Variants in COL25A1 observed in about 807,000 individuals in gnomAD.
The protein encoded by COL25A1 is collagen alpha-1(XXV) chain.
Under a neutral mutation model 128.4 loss-of-function variants are expected in COL25A1, and 103 were observed. That is an observed-to-expected ratio of 0.80 (90% CI 0.68 to 0.94). The LOEUF (loss-of-function observed/expected upper bound fraction) is 0.94, where lower values mean the gene tolerates loss of function less well. Ranked by LOEUF, COL25A1 falls within the 40% of genes least tolerant of loss-of-function variation. COL25A1 has a pLI of 0.00. For missense variants in COL25A1, 745 were observed against 840.0 expected (o/e 0.89, Z 1.40); for synonymous variants, 279 against 277.2 (o/e 1.01, Z -0.06).
chr4:108,816,541 T>C (rs1731269329), intron 37 of COL25A1, among the ~76,000 whole-genome samples: 1 of 152,176 alleles, frequency 6.6e-6, no homozygotes, highest in Non-Finnish European at 1.5e-5. Flanking sequence ...TCACCATTAT[T>C]GCATAAAGGT....
chr4:109,121,521 A>C (rs776511126), intron 3 of COL25A1, among the ~76,000 whole-genome samples: 1 of 152,146 alleles, frequency 6.6e-6, no homozygotes, highest in Non-Finnish European at 1.5e-5. Flanking sequence ...AAACATATGA[A>C]AATTTCAGTG....
At chr4:109,272,630 C>T (rs1782269304) in intron 3 of COL25A1, among the ~76,000 whole-genome samples, 1 of 152,140 alleles carries the variant, frequency 6.6e-6, no homozygotes, top group African/African-American at 2.4e-5. Flanking sequence ...ATGGACAAGG[C>T]ACTGTGGGAG....
intron 3 of COL25A1, among the ~76,000 whole-genome samples, chr4:109,077,067 C>T (rs1763441511): frequency 6.6e-6 from 1 of 152,200 alleles, no homozygotes; most frequent in Middle Eastern, 3.4e-3. Context: ...AAGGGTCCTG[C>T]AATGATTGCT....
chr4:109,180,136 G>A (rs1047014087), intron 3 of COL25A1, among the ~76,000 whole-genome samples: 8 of 152,104 alleles, frequency 5.3e-5, no homozygotes, highest in Admixed American at 2.0e-4. Flanking sequence ...GAGTTTATTT[G>A]GAGAAGAAGA....
chr4:109,273,939 G>A lies in COL25A1; in HGVS notation c.367+26644C>T, dbSNP rs187782620. ...AGGAATCTTTTAAATACACCAAGTT[G>A]TTACTGCCCTTTCATAGCCAAATTT... is the stretch of plus-strand genomic sequence containing the variant. On this transcript the variant is annotated intron_variant, in intron 3 of 37. Transcript: ENST00000399132. 1.9e-4 allele frequency among the ~76,000 whole-genome samples: 29 copies of A among 152,278 alleles called. 1 individual carries two copies. The highest frequency in any genetic ancestry group is 8.3e-4 in the South Asian group (4 of 4,820).
intron 3 of COL25A1, among the ~76,000 whole-genome samples, chr4:109,107,361 T>C (rs1766541229): frequency 6.6e-6 from 1 of 152,200 alleles, no homozygotes; most frequent in African/African-American, 2.4e-5. Flanking sequence ...ATTTTATTTT[T>C]CCTATTTCAA....
chr4:109,218,672 T>A (rs368444098), intron 3 of COL25A1, among the ~76,000 whole-genome samples: 41 of 152,064 alleles, frequency 2.7e-4, no homozygotes, highest in African/African-American at 9.6e-4. Context: ...CATCTAATAT[T>A]ATATATCACT....
chr4:109,201,400 A>T (rs1162971440), intron 3 of COL25A1, among the ~76,000 whole-genome samples: 1 of 152,236 alleles, frequency 6.6e-6, no homozygotes, highest in Non-Finnish European at 1.5e-5. Context: ...ATACAGTCAT[A>T]TAAATAGATG....
intron 28 of COL25A1, 49 bp downstream of exon 28, chr4:108,846,090 A>G (rs748286171): frequency 1.7e-6 from 2 of 1,192,328 alleles, no homozygotes. Flanking sequence ...ATTTATCTTA[A>G]TAAGAACATA....
chr4:108,906,769 G>A (rs1743576234), intron 13 of COL25A1, among the ~76,000 whole-genome samples: 2 of 152,022 alleles, frequency 1.3e-5, no homozygotes, highest in South Asian at 4.2e-4. Context: ...GAGCTCCTTG[G>A]GCAGAGAACT....
intron 3 of COL25A1, among the ~76,000 whole-genome samples, chr4:109,166,340 G>A (rs1773071373): frequency 6.6e-6 from 1 of 152,254 alleles, no homozygotes; most frequent in South Asian, 2.1e-4. Context: ...TGTAAATACA[G>A]CTGGGATGAA....
intron 3 of COL25A1, among the ~76,000 whole-genome samples, chr4:109,168,433 C>T (rs1773276963): frequency 6.6e-6 from 1 of 152,126 alleles, no homozygotes; most frequent in Admixed American, 6.6e-5. Flanking sequence ...AGAGTTTCAC[C>T]ATAAGTTATG....
chr4:109,288,796 C>T (rs1269440209), intron 3 of COL25A1, among the ~76,000 whole-genome samples: 5 of 151,988 alleles, frequency 3.3e-5, no homozygotes, highest in African/African-American at 1.2e-4. Flanking sequence ...CCGCATGGGC[C>T]TAGCAGATAA....
chr4:108,973,055 A>T (rs1180995618), intron 8 of COL25A1, among the ~76,000 whole-genome samples: 2 of 152,188 alleles, frequency 1.3e-5, no homozygotes, highest in Non-Finnish European at 2.9e-5. Flanking sequence ...GAATGGAAAC[A>T]GTTTCCCTCT....
intron 19 of COL25A1, among the ~76,000 whole-genome samples, chr4:108,874,465 G>T (rs745370404): frequency 1.4e-4 from 21 of 151,538 alleles, no homozygotes; most frequent in African/African-American, 3.6e-4. Context: ...AATCCAGAGG[G>T]TTTTTTTTAT....
intron 3 of COL25A1, among the ~76,000 whole-genome samples, chr4:109,139,915 CAT>C (rs1304485291): frequency 5.4e-5 from 8 of 148,028 alleles, no homozygotes; most frequent in Non-Finnish European, 3.0e-5. Flanking sequence ...TGAGTGAGAA[CAT>C]ATGGTGTTTG....
chr4:109,276,339 G>A (rs1250744763), intron 3 of COL25A1, among the ~76,000 whole-genome samples: 1 of 151,446 alleles, frequency 6.6e-6, no homozygotes, highest in Non-Finnish European at 1.5e-5. Flanking sequence ...TTGAACCCAG[G>A]AGGCGGAGGT....
intron 6 of COL25A1, among the ~76,000 whole-genome samples, chr4:108,984,451 T>A (rs576810509): frequency 6.6e-6 from 1 of 151,818 alleles, no homozygotes; most frequent in African/African-American, 2.4e-5. Flanking sequence ...GCGGCGCTCA[T>A]TGGGGAGGCT....
intron 35 of COL25A1, among the ~76,000 whole-genome samples, chr4:108,822,926 T>G (rs1160408515): frequency 6.6e-6 from 1 of 152,204 alleles, no homozygotes; most frequent in Non-Finnish European, 1.5e-5. Context: ...ATCATATGTA[T>G]AGCTCTTGGG....
Sources: gnomAD v4.1 joint callset for allele counts (sites outside exome capture counted in the v4.1 genomes callset) on GRCh38, gnomAD v4.1.1 for gene constraint, MANE v1.5 for transcripts, NCBI Gene and HGNC (gene_info 2026-07-23, HGNC 2026-07-21) for gene names.